PLA2G4B: variants seen among roughly 807,000 people sequenced by gnomAD.
PLA2G4B encodes cytosolic phospholipase A2 beta.
In PLA2G4B, 122 loss-of-function variants were observed where a neutral mutation model predicts 95.8. That is an observed-to-expected ratio of 1.27 (90% CI 1.10 to 1.48). The LOEUF is 1.48. PLA2G4B is among the 40% of genes most tolerant of loss of function. The pLI, the probability that PLA2G4B is intolerant of heterozygous loss-of-function variation, is 0.00. For synonymous variants in PLA2G4B, 518 were observed against 421.5 expected, an observed-to-expected ratio of 1.23 and a Z score of -2.80; for missense variants, 1,158 against 996.2, an observed-to-expected ratio of 1.16 and a Z score of -2.19.
chr15:41,846,940 G>GTGAT lies in PLA2G4B; in HGVS notation c.1947+108_1947+111dup, dbSNP rs2065566584. ...TCTGGTTCAGCTTCCTTTAGGAGCT[G>GTGAT]TGATTGGGACACTGGAATCTTAATT... On this transcript the variant is annotated intron_variant, in intron 18 of 19. Transcript: ENST00000458483. 5.7e-6 allele frequency: 8 copies of GTGAT among 1,397,880 alleles called. No homozygotes were observed. In the East Asian group the frequency reaches 1.4e-4, roughly 25 times the overall value. The allele number at this position is 1,397,880 out of a possible 1,614,324, so 86.6% of individuals were successfully genotyped here. A position where few individuals can be genotyped will look rare whatever the true frequency, so the allele number is the denominator to read the frequency against.
At chr15:41,844,432 C>A in intron 11 of PLA2G4B, 39 bp from the exon 12 acceptor site, 1 of 1,613,700 alleles carries the variant, frequency 6.2e-7, no homozygotes. Context: ...CCTTCCCCAT[C>A]CCTAGGGCCT....
At chr15:41,841,003 A>G in intron 4 of PLA2G4B, 52 bp from the exon 5 acceptor site, 2 of 1,571,300 alleles carry the variant, frequency 1.3e-6, no homozygotes, top group South Asian at 1.2e-5. Flanking sequence ...ACTCACTGAC[A>G]TATGTGCACT....
Position 41,843,663 on chromosome 15 carries a change from C to G in PLA2G4B, c.744-13C>G. On this transcript the variant is annotated splice_polypyrimidine_tract_variant and intron_variant, in intron 10 of 19. Coordinates refer to ENST00000458483, the MANE Select transcript of PLA2G4B (RefSeq NM_001114633.2). ...TTGAGAGCTGTCTCACAGTCTCTTC[C>G]TTCCCCGGCCAGACTGAGGGAGCTG... is the stretch of plus-strand genomic sequence containing the variant. 6.2e-7 allele frequency: 1 copy of G among 1,611,922 alleles called. No homozygotes were observed. The highest frequency in any genetic ancestry group is 8.5e-7 in the Non-Finnish European group (1 of 1,178,678).
At position 41,841,603 on chromosome 15, in the gene PLA2G4B, G is replaced by A. The variant is rs1265009688; in HGVS notation, c.490+32G>A. ...CCCCAACCCACTGGGACAGCCCCTG[G>A]CTCTCAGCTCTTGTCTTCCCCCTTT... On this transcript the variant is annotated intron_variant, in intron 7 of 19. Transcript: ENST00000458483. The A allele has an allele frequency of 1.9e-6, 3 of 1,613,580 alleles. No individual in the cohort carries two copies. In the African/African-American group the frequency reaches 4.0e-5, roughly 22 times the overall value.
At chr15:41,843,854 G>A (rs2140893602) in intron 11 of PLA2G4B, 43 bp downstream of exon 11, 1 of 1,604,546 alleles carries the variant, frequency 6.2e-7, no homozygotes, top group South Asian at 1.1e-5. Flanking sequence ...GGCTTGCTTG[G>A]GCCTAGCTCC....
intron 1 of PLA2G4B, 48 bp downstream of exon 1, chr15:41,838,970 A>G: frequency 6.7e-7 from 1 of 1,483,692 alleles, no homozygotes. Context: ...CCTGGTCTCT[A>G]CCTGGGGCCT....
intron 17 of PLA2G4B, 67 bp from the exon 18 acceptor site, chr15:41,846,602 T>C (rs1000379775): frequency 1.4e-5 from 22 of 1,544,170 alleles, no homozygotes; most frequent in Non-Finnish European, 1.8e-5. Context: ...GGCCAGAGTC[T>C]CTCCTTCCAG....
chr15:41,845,190 C>T lies in PLA2G4B; in HGVS notation c.1240-13C>T, dbSNP rs760687064. 1.1e-5 allele frequency: 18 copies of T among 1,613,992 alleles called. No homozygotes were observed. Among genetic ancestry groups the T allele is most frequent in the African/African-American group, 4.0e-5 (3 of 74,946 alleles). On this transcript the variant is annotated splice_polypyrimidine_tract_variant and intron_variant, in intron 13 of 19. Coordinates refer to ENST00000458483, the MANE Select transcript of PLA2G4B (RefSeq NM_001114633.2). ...GGCCGCTGTGGGTTTAGGTTCTACG[C>T]ATCTTTCCCCAGCCCCATGATCACA... is the stretch of plus-strand genomic sequence containing the variant.
At chr15:41,846,596 A>C (rs969125317) in intron 17 of PLA2G4B, 73 bp from the exon 18 acceptor site, 6 of 1,541,478 alleles carry the variant, frequency 3.9e-6, no homozygotes, top group Non-Finnish European at 5.3e-6. Flanking sequence ...ACCAGAGGCC[A>C]GAGTCTCTCC....
intron 13 of PLA2G4B, 31 bp downstream of exon 13, chr15:41,845,101 A>G: frequency 6.3e-7 from 1 of 1,598,424 alleles, no homozygotes; most frequent in Non-Finnish European, 8.5e-7. Flanking sequence ...GGGCAGAGCC[A>G]GGGCAAGGGC....
At chr15:41,846,914 GTC>G (rs1279640926) in intron 18 of PLA2G4B, 79 bp downstream of exon 18, 111 of 1,473,832 alleles carry the variant, frequency 7.5e-5, no homozygotes, top group Admixed American at 4.4e-5. Context: ...GGAGTCCAGT[GTC>G]TGGTTCAGCT....
Position 41,843,762 on chromosome 15 carries a change from C to G in PLA2G4B, c.830C>G (p.Ala277Gly). 1 of 1,613,838 alleles carries G rather than the reference C, an allele frequency of 6.2e-7. No homozygotes were observed. The highest frequency in any genetic ancestry group is 8.5e-7 in the Non-Finnish European group (1 of 1,179,806). Residue 277 changes from alanine to glycine, a missense_variant, in exon 11 of 20, where the codon GCG (alanine) becomes GGG (glycine). By Grantham distance (60) the Ala-to-Gly change is moderately conservative. Coordinates refer to ENST00000458483, the MANE Select transcript of PLA2G4B (RefSeq NM_001114633.2). Reference protein sequence around the residue: ...FLSRRKQVVAAALRQALQLDG... With the variant: ...FLSRRKQVVAGALRQALQLDG... ...AGCAGGAGGAAGCAGGTGGTGGCCG[C>G]GGCCTTGAGGCAGGCCCTGCAGCTG... is the stretch of plus-strand genomic sequence containing the variant.
chr15:41,847,268 T>TA, intron 18 of PLA2G4B, 69 bp from the exon 19 acceptor site: 2 of 1,519,774 alleles, frequency 1.3e-6, no homozygotes, highest in Non-Finnish European at 1.8e-6. Context: ...CTGTGCATCT[T>TA]ACGTCAGCCC....
In PLA2G4B at chr15:41,845,056, C is replaced by T. The variant is rs4924578; in HGVS notation, c.1225C>T (p.Leu409=). The change falls in exon 13 of 20, where the codon CTG becomes TTG. Residue 409 remains leucine, a synonymous_variant. Coordinates refer to ENST00000458483, the MANE Select transcript of PLA2G4B (RefSeq NM_001114633.2). Reference sequence around the variant, plus strand: ...CCTGTGGGCCCTCATCAACGAGGCGCTGCTGCATGATGAGGTGCGGGGGCT... The same window carrying T: ...CCTGTGGGCCCTCATCAACGAGGCGTTGCTGCATGATGAGGTGCGGGGGCT... ...TNLWALINEA[L]LHDEPHDHKL... 6.3e-7 allele frequency: 1 copy of T among 1,598,282 alleles called. No individual in the cohort carries two copies. Among genetic ancestry groups the T allele is most frequent in the Non-Finnish European group, 8.5e-7 (1 of 1,171,776 alleles).
At position 41,843,826 on chromosome 15, in the gene PLA2G4B, C is replaced by G. The variant is rs1212055486; in HGVS notation, c.879+15C>G. ...AGGAGGATGAGGTTTGGGGGCTGGG[C>G]TGGATGGGGTGTCCCCGGGCTTGCT... On this transcript the variant is annotated intron_variant, in intron 11 of 19. Transcript: ENST00000458483. The G allele has an allele frequency of 6.2e-7, 1 of 1,612,314 alleles. No homozygotes were observed. The highest frequency in any genetic ancestry group is 8.5e-7 in the Non-Finnish European group (1 of 1,179,074).
At chr15:41,845,831 G>C in intron 15 of PLA2G4B, 56 bp downstream of exon 15, 3 of 1,545,306 alleles carry the variant, frequency 1.9e-6, no homozygotes, top group Non-Finnish European at 2.6e-6. Context: ...ATGGGTCCTG[G>C]GTGAGAGGGC....
chr15:41,847,019 C>G (rs754962143), intron 18 of PLA2G4B, among the ~76,000 whole-genome samples, 184 bp downstream of exon 18: 2 of 152,140 alleles, frequency 1.3e-5, no homozygotes, highest in Non-Finnish European at 2.9e-5. Context: ...GCGAGGTTCT[C>G]CTGGTATCTT....
intron 2 of PLA2G4B, 132 bp downstream of exon 2, chr15:41,840,362 G>T: frequency 6.4e-7 from 1 of 1,570,846 alleles, no homozygotes; most frequent in South Asian, 1.1e-5. Flanking sequence ...GAGCTGAGAG[G>T]AGCTTCTGGG....
In PLA2G4B at chr15:41,845,694, C is replaced by G. The variant is rs778982099; in HGVS notation, c.1414C>G (p.Pro472Ala). The G allele has an allele frequency of 1.2e-6, 2 of 1,613,908 alleles. No homozygotes were observed. Among genetic ancestry groups the G allele is most frequent in the South Asian group, 2.2e-5 (2 of 91,074 alleles). The stretch of plus-strand genomic sequence containing the variant: ...CTTCCCCAAGTACGGGGCCTTCATC[C>G]CCTCTGAGCTCTTTGGCTCCGAGTT... ...VGFPKYGAFI[P>A]SELFGSEFFM... The change falls in exon 15 of 20, where the codon CCC becomes GCC. Residue 472 changes from proline to alanine, a missense_variant. Transcript: ENST00000458483.
Sources: gnomAD v4.1 joint callset for allele counts (sites outside exome capture counted in the v4.1 genomes callset) on GRCh38, gnomAD v4.1.1 for gene constraint, MANE v1.5 for transcripts, NCBI Gene and HGNC (gene_info 2026-07-23, HGNC 2026-07-21) for gene names.